The following ATP10A variants were observed in gnomAD, a reference collection of about 807,000 sequenced individuals.
ATP10A encodes the protein phospholipid-transporting ATPase VA.
A neutral mutation model predicts 147.8 loss-of-function variants in ATP10A; 111 were observed. The ratio of observed to expected loss-of-function variants is 0.75; its 90% CI spans 0.64 to 0.88. The LOEUF (loss-of-function observed/expected upper bound fraction) is 0.88. ATP10A is among the 40% of genes least tolerant of loss of function. The pLI, the probability that ATP10A is intolerant of heterozygous loss-of-function variation, is 0.00. For missense variants in ATP10A, 1,927 were observed against 1,959.0 expected (o/e 0.98, Z 0.31); for synonymous variants, 875 against 841.6 (o/e 1.04, Z -0.69).
chr15:25,776,255 C>T (rs1051887863), intron 2 of ATP10A, among the ~76,000 whole-genome samples: 18 of 152,114 alleles, frequency 1.2e-4, no homozygotes, highest in African/African-American at 3.9e-4. Flanking sequence ...CAGGGCTGCA[C>T]GAATGTGCAG....
intron 1 of ATP10A, among the ~76,000 whole-genome samples, chr15:25,818,364 A>G (rs1356722233): frequency 6.6e-6 from 1 of 152,184 alleles, no homozygotes; most frequent in Non-Finnish European, 1.5e-5. Context: ...AGCCAAATAT[A>G]CAAAAAAAGG....
chr15:25,826,897 C>T (rs765580769), intron 1 of ATP10A, among the ~76,000 whole-genome samples: 1 of 152,158 alleles, frequency 6.6e-6, no homozygotes, highest in Non-Finnish European at 1.5e-5. Context: ...GCTAAATAAA[C>T]AATTCCTAGT....
chr15:25,773,698 A>G (rs1367096467), intron 2 of ATP10A, among the ~76,000 whole-genome samples: 4 of 152,168 alleles, frequency 2.6e-5, no homozygotes, highest in South Asian at 2.1e-4. Flanking sequence ...TAATAAAGCA[A>G]TATCACTTCA....
chr15:25,690,736 C>A (rs1008905765), intron 15 of ATP10A, among the ~76,000 whole-genome samples: 3 of 152,186 alleles, frequency 2.0e-5, no homozygotes, highest in Non-Finnish European at 4.4e-5. Flanking sequence ...TCTTGAGCTT[C>A]CCCTTGTGCA....
chr15:25,829,238 A>C (rs1892250882), intron 1 of ATP10A, among the ~76,000 whole-genome samples: 1 of 152,150 alleles, frequency 6.6e-6, no homozygotes. Context: ...AGGTTCGTTC[A>C]AACCTCTCCA....
intron 1 of ATP10A, among the ~76,000 whole-genome samples, chr15:25,785,396 A>G (rs1890111066): frequency 6.6e-6 from 1 of 152,126 alleles, no homozygotes; most frequent in Admixed American, 6.5e-5. Context: ...TCCTGCCCAC[A>G]CCTCGGTGTC....
chr15:25,683,044 C>G (rs747354334), intron 17 of ATP10A, among the ~76,000 whole-genome samples: 9 of 152,110 alleles, frequency 5.9e-5, no homozygotes, highest in Non-Finnish European at 1.0e-4. Flanking sequence ...TGACTGGACT[C>G]TGGGCTTTTC....
chr15:25,752,471 T>C (rs1888204961), intron 2 of ATP10A, among the ~76,000 whole-genome samples: 2 of 152,296 alleles, frequency 1.3e-5, no homozygotes, highest in Middle Eastern at 6.8e-3. Flanking sequence ...GAGAGTGGAA[T>C]TGTGGTTACA....
rs778553517 is a variant in ATP10A at position 25,714,023 on chromosome 15, G to A, written c.1995C>T (p.Ile665=). 5 of 1,610,744 alleles carry A rather than the reference G, an allele frequency of 3.1e-6. No homozygotes were observed. Among genetic ancestry groups the A allele is most frequent in the Admixed American group, 3.3e-5 (2 of 60,020 alleles). Residue 665 remains isoleucine (I), a synonymous_variant, in exon 10 of 21, where the codon ATC becomes ATT. Transcript: ENST00000555815. ...EERLGQPTSA[I]ASNGYSSQAD... ...CCTGGCTGCTGTAGCCGTTGCTGGC[G>A]ATGGCCGAGGTGGGCTGGCCCAGCC...
At chr15:25,804,288 GGTGT>G (rs1458575313) in intron 1 of ATP10A, among the ~76,000 whole-genome samples, 2 of 151,436 alleles carry the variant, frequency 1.3e-5, no homozygotes, top group Non-Finnish European at 2.9e-5. Context: ...GTGAGTGTGT[GGTGT>G]GTGAGTGTTC....
chr15:25,726,528 G>A (rs116539532), intron 4 of ATP10A, among the ~76,000 whole-genome samples: 7,341 of 151,068 alleles, frequency 0.049, 232 homozygotes, highest in African/African-American at 0.073. Flanking sequence ...TGCAACCTCC[G>A]TCTCTCAGGT....
intron 2 of ATP10A, among the ~76,000 whole-genome samples, chr15:25,760,796 T>C (rs1888719924): frequency 1.3e-5 from 2 of 152,168 alleles, no homozygotes; most frequent in Admixed American, 1.3e-4. Context: ...CAGTGAGCTA[T>C]GATCGTGCCA....
intron 1 of ATP10A, among the ~76,000 whole-genome samples, chr15:25,796,160 G>A (rs1009685425): frequency 6.6e-6 from 1 of 152,210 alleles, no homozygotes; most frequent in Non-Finnish European, 1.5e-5. Context: ...TTCAGGGCTA[G>A]GCGTGGTGGT....
In ATP10A at chr15:25,679,905, C is replaced by G; in HGVS notation, c.3936G>C (p.Arg1312Ser). ...TQLQLARQLTRKSPRRCSAPK... is the reference protein window; with the variant it reads ...TQLQLARQLTSKSPRRCSAPK... ...GAGCACTGCATCTCCTGGGGGACTT[C>G]CTGGTCAACTGACGTGCCAGCTGAA... The change falls in exon 21 of 21, where the codon AGG becomes AGC. Residue 1312 changes from arginine (R) to serine (S), a missense_variant. Transcript: ENST00000555815. 6.2e-7 allele frequency: 1 copy of G among 1,610,346 alleles called. No individual in the cohort carries two copies. Among genetic ancestry groups the G allele is most frequent in the South Asian group, 1.1e-5 (1 of 91,076 alleles).
chr15:25,690,312 T>C (rs1184315098), intron 15 of ATP10A, among the ~76,000 whole-genome samples: 3 of 151,054 alleles, frequency 2.0e-5, no homozygotes, highest in Admixed American at 6.6e-5. Context: ...GGTGCAATCA[T>C]AGTTCACTTC....
chr15:25,858,347 G>A (rs539866469), intron 1 of ATP10A, among the ~76,000 whole-genome samples: 2 of 152,252 alleles, frequency 1.3e-5, no homozygotes, highest in Admixed American at 6.5e-5. Flanking sequence ...TGCATTAAGA[G>A]GGAGGGATGG....
chr15:25,859,052 G>A (rs1278855711), intron 1 of ATP10A, among the ~76,000 whole-genome samples: 1 of 152,194 alleles, frequency 6.6e-6, no homozygotes, highest in Non-Finnish European at 1.5e-5. Context: ...CCCTGCTGTG[G>A]AAGAGGTGGA....
At chr15:25,811,065 T>C (rs571052348) in intron 1 of ATP10A, among the ~76,000 whole-genome samples, 3 of 152,330 alleles carry the variant, frequency 2.0e-5, no homozygotes, top group Admixed American at 1.3e-4. Flanking sequence ...GCAGGAATTT[T>C]ACTTCCTTGC....
chr15:25,796,674 A>G (rs896516701), intron 1 of ATP10A, among the ~76,000 whole-genome samples: 18 of 152,290 alleles, frequency 1.2e-4, no homozygotes, highest in Non-Finnish European at 2.2e-4. Flanking sequence ...TGAGGCAGAC[A>G]TCGTCAGAGC....
Sources: allele counts gnomAD v4.1 joint callset (sites outside exome capture counted in the v4.1 genomes callset), GRCh38; gene constraint gnomAD v4.1.1; transcripts MANE v1.5; gene names NCBI Gene and HGNC (gene_info 2026-07-23, HGNC 2026-07-21).